Variants in TRAP1 observed in about 807,000 individuals in gnomAD.
The protein encoded by TRAP1 is heat shock protein 75 kDa, mitochondrial.
Under a neutral mutation model 89.1 loss-of-function variants are expected in TRAP1, and 102 were observed. The ratio of observed to expected loss-of-function variants is 1.15; its 90% CI spans 0.98 to 1.35. The LOEUF is 1.35. Ranked by LOEUF, TRAP1 falls within the 40% of genes most tolerant of loss-of-function variation. The probability of loss-of-function intolerance (pLI) is 0.00; values close to 1 mark genes in which losing one functional copy is unlikely to be tolerated. For missense variants in TRAP1, 1,256 were observed against 945.3 expected, an observed-to-expected ratio of 1.33 and a Z score of -4.31; for synonymous variants, 508 against 388.0, an observed-to-expected ratio of 1.31 and a Z score of -3.64.
intron 11 of TRAP1, 37 bp downstream of exon 11, chr16:3,671,684 TC>T: frequency 6.2e-7 from 1 of 1,603,314 alleles, no homozygotes. Context: ...AGGGGCCTTG[TC>T]CCCAGCAGGG....
intron 1 of TRAP1, among the ~76,000 whole-genome samples, chr16:3,693,896 G>A (rs957312747): frequency 6.6e-6 from 1 of 152,026 alleles, no homozygotes; most frequent in Admixed American, 6.6e-5. Context: ...GTGAGGCTGA[G>A]GTGGGAAGAT....
chr16:3,717,254 C>G (rs375773666), intron 1 of TRAP1, among the ~76,000 whole-genome samples, 167 bp downstream of exon 1: 154 of 152,370 alleles, frequency 1.0e-3, no homozygotes, highest in African/African-American at 3.2e-3. Context: ...CAAGCTGGAG[C>G]TGGCGAGGAG....
chr16:3,662,869 G>C lies in TRAP1; in HGVS notation c.1794+13C>G, dbSNP rs370938126. On this transcript the variant is annotated intron_variant, in intron 15 of 17. Coordinates refer to ENST00000246957, the MANE Select transcript of TRAP1 (RefSeq NM_016292.3). ...TGCGGCCAAGTGGTGGTCCATCCCC[G>C]GGAAAGCCTCACCTTCACGTTGGTG... 11 of 1,613,138 alleles carry C rather than the reference G, an allele frequency of 6.8e-6. No individual in the cohort carries two copies. Among genetic ancestry groups the C allele is most frequent in the Non-Finnish European group, 9.3e-6 (11 of 1,179,676 alleles).
chr16:3,685,771 T>C (rs552368127), intron 4 of TRAP1, among the ~76,000 whole-genome samples: 1 of 152,348 alleles, frequency 6.6e-6, no homozygotes, highest in African/African-American at 2.4e-5. Context: ...CAGTAGTTAT[T>C]GCTGGATGAT....
chr16:3,663,169 TA>T lies in TRAP1; in HGVS notation c.1709-203del, dbSNP rs1323450090. 9 of 660,332 alleles carry T rather than the reference TA, an allele frequency of 1.4e-5. No individual in the cohort carries two copies. In the South Asian group the frequency reaches 1.4e-4, roughly 10 times the overall value. 40.9% of individuals were successfully genotyped at this position (660,332 alleles called of 1,614,324 possible). A position where few individuals can be genotyped will look rare whatever the true frequency, so the allele number is the denominator to read the frequency against. On this transcript the variant is annotated intron_variant, in intron 14 of 17. Transcript: ENST00000246957. The stretch of plus-strand genomic sequence containing the variant: ...GGCCCATACAACTTGGTTAGGGCTT[TA>T]AAAAAATACACAGCCTCTCAAGAAG...
At chr16:3,698,904 T>TA (rs920545925) in intron 1 of TRAP1, among the ~76,000 whole-genome samples, 31 of 149,196 alleles carry the variant, frequency 2.1e-4, no homozygotes, top group East Asian at 4.0e-4. Context: ...AATTAAAAAT[T>TA]AAAAAAAAAA....
At chr16:3,703,918 G>C (rs1175074503) in intron 1 of TRAP1, among the ~76,000 whole-genome samples, 6 of 149,894 alleles carry the variant, frequency 4.0e-5, no homozygotes, top group African/African-American at 1.5e-4. Context: ...GGGAGGCTGA[G>C]GCAGGAGAAT....
intron 1 of TRAP1, among the ~76,000 whole-genome samples, chr16:3,702,939 G>A (rs566024014): frequency 6.6e-6 from 1 of 150,976 alleles, no homozygotes; most frequent in Non-Finnish European, 1.5e-5. Context: ...CTACTTGGGA[G>A]GCCGAGGTAG....
At chr16:3,658,627 C>G (rs150401264) in intron 17 of TRAP1, 166 bp downstream of exon 17, 71 of 660,634 alleles carry the variant, frequency 1.1e-4, no homozygotes, top group Non-Finnish European at 1.7e-4. Context: ...GAGCCAAGAT[C>G]GCGCCACTGC....
rs755380769 is a variant in TRAP1 at position 3,663,421 on chromosome 16, G to A, written c.1708+3C>T. On this transcript the variant is annotated splice_donor_region_variant and intron_variant, in intron 14 of 17. Transcript: ENST00000246957. ...CCACGCCTAGAGAGCAGGGGATGCC[G>A]ACCTGGGGACCTGTCCTCAAACTTC... is the stretch of plus-strand genomic sequence containing the variant. 5.3e-5 allele frequency: 85 copies of A among 1,613,906 alleles called. 1 individual carries two copies. Among genetic ancestry groups the A allele is most frequent in the South Asian group, 1.9e-4 (17 of 91,060 alleles).
chr16:3,684,767 G>A (rs2051116634), intron 4 of TRAP1, among the ~76,000 whole-genome samples: 1 of 152,100 alleles, frequency 6.6e-6, no homozygotes, highest in African/African-American at 2.4e-5. Context: ...TCCAGCCTGG[G>A]CGACACAGCC....
At position 3,667,549 on chromosome 16, in the gene TRAP1, C is replaced by T. The variant is rs554476417; in HGVS notation, c.1236-1431G>A. Among the ~76,000 whole-genome samples the T allele has an allele frequency of 1.9e-3, 284 of 151,132 alleles. 1 individual carries two copies. The highest frequency in any genetic ancestry group is 2.9e-3 in the Non-Finnish European group (196 of 67,820). ...CTGAGGCAGGAGAATCGCTTGAATC[C>T]GGGAGGCAGAGGTTTCGGTGAGCCA... On this transcript the variant is annotated intron_variant, in intron 11 of 17. Coordinates refer to ENST00000246957, the MANE Select transcript of TRAP1 (RefSeq NM_016292.3).
intron 10 of TRAP1, 119 bp downstream of exon 10, chr16:3,672,581 C>T: frequency 2.1e-6 from 3 of 1,430,774 alleles, no homozygotes; most frequent in Non-Finnish European, 1.8e-6. Flanking sequence ...GCAGCGCAGG[C>T]CGACGGCGGT....
chr16:3,661,814 C>G, intron 16 of TRAP1, 173 bp downstream of exon 16: 1 of 784,448 alleles, frequency 1.3e-6, no homozygotes, highest in African/African-American at 1.8e-5. Context: ...AGGGGCTGGC[C>G]AGGTTCCATT....
At chr16:3,709,927 G>A (rs992260801) in intron 1 of TRAP1, among the ~76,000 whole-genome samples, 1 of 152,204 alleles carries the variant, frequency 6.6e-6, no homozygotes, top group Non-Finnish European at 1.5e-5. Flanking sequence ...TGGGATTACA[G>A]GCGTGAGCCA....
At chr16:3,707,695 A>C (rs569901762) in intron 1 of TRAP1, among the ~76,000 whole-genome samples, 30 of 151,256 alleles carry the variant, frequency 2.0e-4, no homozygotes, top group African/African-American at 6.8e-4. Context: ...CTCTACCAAA[A>C]ATACAAAAAT....
intron 11 of TRAP1, among the ~76,000 whole-genome samples, chr16:3,670,854 A>C (rs2050903769): frequency 6.6e-6 from 1 of 151,952 alleles, no homozygotes; most frequent in Non-Finnish European, 1.5e-5. Flanking sequence ...AGGAAACCAC[A>C]CTGCCCACCA....
At chr16:3,712,006 T>C (rs1457701127) in intron 1 of TRAP1, among the ~76,000 whole-genome samples, 1 of 152,006 alleles carries the variant, frequency 6.6e-6, no homozygotes, top group Non-Finnish European at 1.5e-5. Flanking sequence ...AGATTCTTTG[T>C]CAGGCCCGAC....
chr16:3,715,417 G>A (rs981163187), intron 1 of TRAP1, among the ~76,000 whole-genome samples: 6 of 151,848 alleles, frequency 4.0e-5, no homozygotes, highest in African/African-American at 1.5e-4. Context: ...CAGCCTGGGT[G>A]ACAGAGCAAG....
Sources: allele counts gnomAD v4.1 joint callset (sites outside exome capture counted in the v4.1 genomes callset), GRCh38; gene constraint gnomAD v4.1.1; transcripts MANE v1.5; gene names NCBI Gene and HGNC (gene_info 2026-07-23, HGNC 2026-07-21).